PDE4B: variants seen among roughly 807,000 people sequenced by gnomAD.
PDE4B encodes the protein 3',5'-cyclic-AMP phosphodiesterase 4B.
In PDE4B, 20 loss-of-function variants were observed where a neutral mutation model predicts 82.2. The observed-to-expected ratio is 0.24, with a 90% CI of 0.17 to 0.35. The LOEUF is 0.35. Ranked by LOEUF, PDE4B falls within the 10% of genes least tolerant of loss-of-function variation. The pLI is 1.00. For missense variants in PDE4B, 655 were observed against 907.2 expected (o/e 0.72, Z 3.57); for synonymous variants, 320 against 318.9 (o/e 1.00, Z -0.04).
At chr1:66,090,178 A>T (rs540595858) in intron 3 of PDE4B, among the ~76,000 whole-genome samples, 1 of 152,142 alleles carries the variant, frequency 6.6e-6, no homozygotes, top group African/African-American at 2.4e-5. Flanking sequence ...CAAGAGTATT[A>T]ATAAGGCAAA....
intron 3 of PDE4B, among the ~76,000 whole-genome samples, chr1:66,172,579 G>T (rs1009535741): frequency 6.7e-6 from 1 of 149,660 alleles, no homozygotes; most frequent in Admixed American, 6.6e-5. Context: ...CAATATATAA[G>T]TGTTCCCTTT....
At chr1:66,364,563 G>T (rs1006922348) in intron 12 of PDE4B, among the ~76,000 whole-genome samples, 3 of 152,156 alleles carry the variant, frequency 2.0e-5, no homozygotes, top group Non-Finnish European at 4.4e-5. Context: ...TACAGATTCA[G>T]TTTGGAAGGT....
At chr1:65,916,057 G>A (rs1476284159) in intron 2 of PDE4B, among the ~76,000 whole-genome samples, 1 of 152,178 alleles carries the variant, frequency 6.6e-6, no homozygotes, top group African/African-American at 2.4e-5. Flanking sequence ...GAGTAGTGGT[G>A]TATAAATTAT....
chr1:66,257,513 T>C (rs772987175), intron 4 of PDE4B, 134 bp from the exon 5 acceptor site: 1 of 933,958 alleles, frequency 1.1e-6, no homozygotes, highest in Non-Finnish European at 1.8e-6. Context: ...TTGTGAGTCC[T>C]GTCTTATATC....
intron 3 of PDE4B, chr1:65,992,900 A>G (rs780843915): frequency 6.2e-7 from 1 of 1,613,096 alleles, no homozygotes; most frequent in Non-Finnish European, 8.5e-7. Flanking sequence ...AGCACTCCTT[A>G]CAAGACATGA....
At chr1:65,975,695 C>T (rs981193417) in intron 3 of PDE4B, among the ~76,000 whole-genome samples, 1 of 152,188 alleles carries the variant, frequency 6.6e-6, no homozygotes, top group Non-Finnish European at 1.5e-5. Flanking sequence ...CACCTTGCAT[C>T]CCAGACACTC....
At chr1:66,167,056 T>C (rs1646748319) in intron 3 of PDE4B, among the ~76,000 whole-genome samples, 1 of 152,156 alleles carries the variant, frequency 6.6e-6, no homozygotes, top group Non-Finnish European at 1.5e-5. Context: ...CGATAACAAA[T>C]GCTGGAGAGA....
intron 4 of PDE4B, among the ~76,000 whole-genome samples, chr1:66,250,931 G>A (rs537644603): frequency 1.3e-5 from 2 of 152,180 alleles, no homozygotes; most frequent in Non-Finnish European, 2.9e-5. Context: ...TGTGGACTAA[G>A]TAGTCTCTAG....
At chr1:66,026,873 G>C (rs1052044981) in intron 3 of PDE4B, among the ~76,000 whole-genome samples, 1 of 152,182 alleles carries the variant, frequency 6.6e-6, no homozygotes, top group African/African-American at 2.4e-5. Context: ...GGGAGGGTGT[G>C]TGCGTCACCT....
intron 3 of PDE4B, among the ~76,000 whole-genome samples, chr1:66,186,737 A>T (rs1647229213): frequency 6.6e-6 from 1 of 152,184 alleles, no homozygotes; most frequent in African/African-American, 2.4e-5. Flanking sequence ...TTTTGGGCTG[A>T]GACCATGGGG....
intron 3 of PDE4B, among the ~76,000 whole-genome samples, chr1:66,210,630 A>AAAAAG (rs1194970146): frequency 3.3e-5 from 5 of 151,402 alleles, no homozygotes; most frequent in African/African-American, 9.7e-5. Flanking sequence ...GAAAAAGGAA[A>AAAAAG]AAAAGAAAAG....
At chr1:66,175,990 C>T in intron 3 of PDE4B, among the ~76,000 whole-genome samples, 1 of 152,168 alleles carries the variant, frequency 6.6e-6, no homozygotes, top group African/African-American at 2.4e-5. Flanking sequence ...ATAAAGGACA[C>T]ATTCTTATTC....
chr1:66,176,144 G>T (rs1248470615), intron 3 of PDE4B, among the ~76,000 whole-genome samples: 1 of 152,212 alleles, frequency 6.6e-6, no homozygotes, highest in Admixed American at 6.5e-5. Flanking sequence ...TGTCAGAAAT[G>T]CAGCTTCCTC....
intron 1 of PDE4B, among the ~76,000 whole-genome samples, chr1:65,873,182 T>A (rs910970596): frequency 7.2e-5 from 11 of 152,098 alleles, no homozygotes; most frequent in Non-Finnish European, 1.3e-4. Context: ...GAAAAGGAAG[T>A]CCTTTTACTC....
intron 3 of PDE4B, 34 bp from the exon 4 acceptor site, chr1:66,247,426 T>A: frequency 6.7e-7 from 1 of 1,481,662 alleles, no homozygotes; most frequent in South Asian, 1.3e-5. Flanking sequence ...TCCATGGTTA[T>A]CATGTGACCA....
intron 3 of PDE4B, chr1:66,046,235 C>CA (rs1654706193): frequency 6.6e-6 from 1 of 151,554 alleles, no homozygotes. Context: ...CCTTGAGCAG[C>CA]AGGAACAGAT....
At chr1:66,158,974 C>T (rs1422727045) in intron 3 of PDE4B, among the ~76,000 whole-genome samples, 1 of 152,120 alleles carries the variant, frequency 6.6e-6, no homozygotes, top group African/African-American at 2.4e-5. Context: ...GAGAAGTTAG[C>T]AAAAGGGTAC....
intron 3 of PDE4B, among the ~76,000 whole-genome samples, chr1:66,031,075 A>G (rs1007019663): frequency 6.6e-6 from 1 of 152,210 alleles, no homozygotes; most frequent in East Asian, 1.9e-4. Context: ...CAATTTACCC[A>G]TGTAGCAAAC....
At chr1:66,131,639 T>TATA in intron 3 of PDE4B, among the ~76,000 whole-genome samples, 1 of 27,960 alleles carries the variant, frequency 3.6e-5, no homozygotes, top group South Asian at 1.6e-3. Context: ...ATATATATAT[T>TATA]ACTAACCAGG....
Sources: gnomAD v4.1 joint callset for allele counts (sites outside exome capture counted in the v4.1 genomes callset) on GRCh38, gnomAD v4.1.1 for gene constraint, MANE v1.5 for transcripts, NCBI Gene and HGNC (gene_info 2026-07-23, HGNC 2026-07-21) for gene names.